RPS6KC1: variants seen among roughly 807,000 people sequenced by gnomAD.
RPS6KC1 encodes ribosomal protein S6 kinase C1.
Under a neutral mutation model 103.8 loss-of-function variants are expected in RPS6KC1, and 54 were observed. The ratio of observed to expected loss-of-function variants is 0.52; its 90% CI spans 0.42 to 0.65. The LOEUF (loss-of-function observed/expected upper bound fraction) is 0.65. Among genes scored for constraint, RPS6KC1 ranks in the 30% least tolerant of loss-of-function variants. The pLI, the probability that RPS6KC1 is intolerant of heterozygous loss-of-function variation, is 0.00. For synonymous variants in RPS6KC1, 439 were observed against 438.7 expected (o/e 1.00, Z -0.01); for missense variants, 1,151 against 1,253.8 (o/e 0.92, Z 1.24).
the RPS6KC1 span, among the ~76,000 whole-genome samples, chr1:213,640,280 TTC>T: frequency 2.0e-5 from 3 of 151,328 alleles, no homozygotes; most frequent in Non-Finnish European, 3.0e-5. Flanking sequence ...AATTTGTGTC[TTC>T]TCTCTCTCTC....
At chr1:213,691,664 T>A in the RPS6KC1 span, among the ~76,000 whole-genome samples, 2 of 152,174 alleles carry the variant, frequency 1.3e-5, no homozygotes, top group South Asian at 4.2e-4. Context: ...TTATAATGAT[T>A]GAAAAGATCT....
the RPS6KC1 span, among the ~76,000 whole-genome samples, chr1:213,739,461 G>A: frequency 6.6e-6 from 1 of 151,938 alleles, no homozygotes; most frequent in African/African-American, 2.4e-5. Flanking sequence ...GTTGTTCAAG[G>A]GTCAACTGTA....
chr1:213,173,230 TTGA>T (rs1452507864), intron 7 of RPS6KC1, among the ~76,000 whole-genome samples: 4 of 152,356 alleles, frequency 2.6e-5, no homozygotes, highest in Non-Finnish European at 5.9e-5. Flanking sequence ...AATTTTTTTA[TTGA>T]TGATTTTATT....
At chr1:213,181,281 CAACTT>C (rs1461683359) in intron 8 of RPS6KC1, among the ~76,000 whole-genome samples, 17 of 152,314 alleles carry the variant, frequency 1.1e-4, no homozygotes, top group Admixed American at 8.5e-4. Context: ...CACTGAAAAA[CAACTT>C]AAATATGCTT....
chr1:213,316,636 A>G, the RPS6KC1 span, among the ~76,000 whole-genome samples: 1 of 152,112 alleles, frequency 6.6e-6, no homozygotes, highest in Non-Finnish European at 1.5e-5. Flanking sequence ...ATTAATAAGC[A>G]AATAGTGTGT....
At chr1:213,355,287 G>A in the RPS6KC1 span, among the ~76,000 whole-genome samples, 2 of 152,068 alleles carry the variant, frequency 1.3e-5, no homozygotes, top group African/African-American at 2.4e-5. Flanking sequence ...TGGGTGAAGG[G>A]GGCTGGTGGA....
the RPS6KC1 span, among the ~76,000 whole-genome samples, chr1:213,688,472 C>T: frequency 3.3e-5 from 5 of 152,160 alleles, no homozygotes; most frequent in Admixed American, 1.3e-4. Context: ...TGAACATGGC[C>T]GGATCAATTT....
the RPS6KC1 span, among the ~76,000 whole-genome samples, chr1:213,668,431 G>C: frequency 1.1e-5 from 1 of 87,436 alleles, no homozygotes; most frequent in Non-Finnish European, 2.7e-5. Flanking sequence ...CGAGGAGTAG[G>C]TCTTAATAGT....
At chr1:213,185,703 A>T (rs2092492846) in intron 8 of RPS6KC1, among the ~76,000 whole-genome samples, 1 of 152,016 alleles carries the variant, frequency 6.6e-6, no homozygotes, top group Non-Finnish European at 1.5e-5. Context: ...TTGATAAGTA[A>T]GGACTTACTT....
chr1:213,377,478 T>C, the RPS6KC1 span, among the ~76,000 whole-genome samples: 7 of 152,230 alleles, frequency 4.6e-5, no homozygotes, highest in Non-Finnish European at 1.0e-4. Context: ...ATGTCCTTTG[T>C]CATTGTTTTT....
At chr1:213,357,552 G>GTGA in the RPS6KC1 span, among the ~76,000 whole-genome samples, 1 of 152,204 alleles carries the variant, frequency 6.6e-6, no homozygotes, top group Non-Finnish European at 1.5e-5. Context: ...GGGCAGTCAG[G>GTGA]TGATGCACTG....
chr1:213,075,905 C>T lies in RPS6KC1; in HGVS notation c.142-1791C>T, dbSNP rs117359030. Among the ~76,000 whole-genome samples, 1,431 of 152,218 alleles carry T rather than the reference C, an allele frequency of 9.4e-3. 49 individuals carry two copies. The highest frequency in any genetic ancestry group is 0.072 in the East Asian group (371 of 5,182). On this transcript the variant is annotated intron_variant, in intron 2 of 14. Coordinates refer to ENST00000366960, the MANE Select transcript of RPS6KC1 (RefSeq NM_012424.6). ...CCCTTCAGGACTCTCTAAGGTAGTA[C>T]TTTTTGTGAAGCCTTCTCAGACATA...
At chr1:213,589,938 G>GGTGTGTGTGTGTGT in the RPS6KC1 span, among the ~76,000 whole-genome samples, 5 of 132,824 alleles carry the variant, frequency 3.8e-5, no homozygotes, top group East Asian at 1.1e-3. Flanking sequence ...AAAAGGTAGT[G>GGTGTGTGTGTGTGT]GTGTGTGTGT....
chr1:213,290,786 C>G, the RPS6KC1 span, among the ~76,000 whole-genome samples: 1 of 152,100 alleles, frequency 6.6e-6, no homozygotes, highest in African/African-American at 2.4e-5. Flanking sequence ...GGGACCCAAA[C>G]GCAGGCATGA....
the RPS6KC1 span, among the ~76,000 whole-genome samples, chr1:213,460,143 A>G: frequency 6.6e-6 from 1 of 152,126 alleles, no homozygotes; most frequent in South Asian, 2.1e-4. Flanking sequence ...ATCCTTGTTA[A>G]TTTTTTGTCT....
chr1:213,530,532 GT>G, the RPS6KC1 span, among the ~76,000 whole-genome samples: 2 of 24,434 alleles, frequency 8.2e-5, no homozygotes, highest in East Asian at 0.11. Flanking sequence ...ACCAAATAGA[GT>G]AGTTCTCATG....
At chr1:213,604,689 G>A in the RPS6KC1 span, among the ~76,000 whole-genome samples, 5 of 152,122 alleles carry the variant, frequency 3.3e-5, no homozygotes, top group Admixed American at 1.3e-4. Flanking sequence ...CCTGACTCTC[G>A]CCTGCTACCC....
chr1:213,482,778 A>C, the RPS6KC1 span, among the ~76,000 whole-genome samples: 1 of 152,004 alleles, frequency 6.6e-6, no homozygotes, highest in African/African-American at 2.4e-5. Flanking sequence ...CGATCTCTTG[A>C]CATCGTGATC....
At chr1:213,189,531 ATAG>A (rs2092674220) in intron 8 of RPS6KC1, among the ~76,000 whole-genome samples, 1 of 151,596 alleles carries the variant, frequency 6.6e-6, no homozygotes, top group African/African-American at 2.4e-5. Context: ...TTGTGGGTAC[ATAG>A]TAGGTGTATG....
Sources: allele counts gnomAD v4.1 joint callset (sites outside exome capture counted in the v4.1 genomes callset), GRCh38; gene constraint gnomAD v4.1.1; transcripts MANE v1.5; gene names NCBI Gene and HGNC (gene_info 2026-07-23, HGNC 2026-07-21).